WWOX: variants seen among roughly 807,000 people sequenced by gnomAD.
WWOX encodes WW domain-containing oxidoreductase.
Under a neutral mutation model 46.2 loss-of-function variants are expected in WWOX, and 69 were observed. The ratio of observed to expected loss-of-function variants is 1.49; its 90% CI spans 1.23 to 1.82. The LOEUF (loss-of-function observed/expected upper bound fraction) is 1.82, where lower values mean the gene tolerates loss of function less well. WWOX is among the 40% of genes most tolerant of loss of function. The probability of loss-of-function intolerance (pLI) is 0.00; values close to 1 mark genes in which losing one functional copy is unlikely to be tolerated. For synonymous variants in WWOX, 359 were observed against 202.6 expected (o/e 1.77, Z -6.56); for missense variants, 919 against 542.6 (o/e 1.69, Z -6.89).
At chr16:78,515,453 C>T (rs150859788) in intron 8 of WWOX, among the ~76,000 whole-genome samples, 2 of 152,250 alleles carry the variant, frequency 1.3e-5, no homozygotes, top group Non-Finnish European at 2.9e-5. Context: ...GAGACACCAG[C>T]TCTTTTTATT....
At chr16:78,950,073 A>G (rs2046027842) in intron 8 of WWOX, among the ~76,000 whole-genome samples, 1 of 152,204 alleles carries the variant, frequency 6.6e-6, no homozygotes, top group African/African-American at 2.4e-5. Context: ...TTGGGCGATG[A>G]TACCAGAGAC....
At chr16:78,286,065 C>T (rs563211398) in intron 5 of WWOX, among the ~76,000 whole-genome samples, 1 of 152,306 alleles carries the variant, frequency 6.6e-6, no homozygotes, top group South Asian at 2.1e-4. Flanking sequence ...TCATTCCCAT[C>T]CATGGTATTA....
At chr16:78,571,498 G>A (rs1457719742) in intron 8 of WWOX, among the ~76,000 whole-genome samples, 1 of 152,038 alleles carries the variant, frequency 6.6e-6, no homozygotes, top group Admixed American at 6.6e-5. Context: ...GATTTTAAAG[G>A]GCAAGTGCCT....
chr16:78,621,677 T>C (rs1191790416), intron 8 of WWOX, among the ~76,000 whole-genome samples: 2 of 134,276 alleles, frequency 1.5e-5, no homozygotes, highest in African/African-American at 2.8e-5. Flanking sequence ...CCATCTCGGC[T>C]CACCACGAGC....
chr16:78,723,276 C>G (rs1243998918), intron 8 of WWOX, among the ~76,000 whole-genome samples: 2 of 152,138 alleles, frequency 1.3e-5, no homozygotes. Flanking sequence ...ACCTGGGAAG[C>G]TTTTGAAAAC....
chr16:78,160,222 A>G (rs1459378367), intron 4 of WWOX, among the ~76,000 whole-genome samples: 1 of 151,708 alleles, frequency 6.6e-6, no homozygotes. Context: ...TCACTCTGTC[A>G]CCCAGGCTGG....
chr16:78,305,223 C>T (rs976097304), intron 5 of WWOX, among the ~76,000 whole-genome samples: 2 of 152,074 alleles, frequency 1.3e-5, no homozygotes, highest in African/African-American at 2.4e-5. Flanking sequence ...TCCTTTCCTT[C>T]CCCTTTCTGG....
At chr16:78,633,473 A>T (rs1597374960) in intron 8 of WWOX, among the ~76,000 whole-genome samples, 1 of 152,104 alleles carries the variant, frequency 6.6e-6, no homozygotes, top group South Asian at 2.1e-4. Flanking sequence ...TTAAAACAGA[A>T]CCACGAGTTC....
chr16:78,727,321 C>G (rs2048859719), intron 8 of WWOX, among the ~76,000 whole-genome samples: 1 of 152,178 alleles, frequency 6.6e-6, no homozygotes, highest in African/African-American at 2.4e-5. Context: ...ATCACTTCAA[C>G]CCGGAAGGCG....
chr16:78,218,120 T>G (rs908907622), intron 5 of WWOX, among the ~76,000 whole-genome samples: 3 of 152,066 alleles, frequency 2.0e-5, no homozygotes, highest in Admixed American at 1.3e-4. Context: ...AGTGGTGCAA[T>G]CACAGCTCAC....
intron 8 of WWOX, among the ~76,000 whole-genome samples, chr16:78,904,457 T>C (rs1231549521): frequency 6.6e-6 from 1 of 152,010 alleles, no homozygotes; most frequent in Non-Finnish European, 1.5e-5. Flanking sequence ...CAGGATGGTC[T>C]TCTTCTCTTG....
chr16:78,578,172 T>C (rs2044938012), intron 8 of WWOX, among the ~76,000 whole-genome samples: 1 of 144,968 alleles, frequency 6.9e-6, no homozygotes, highest in Admixed American at 7.1e-5. Context: ...TTTTTGACAA[T>C]TAAAAATAAT....
intron 8 of WWOX, among the ~76,000 whole-genome samples, chr16:78,655,914 G>T (rs192488159): frequency 1.3e-5 from 2 of 152,112 alleles, no homozygotes; most frequent in African/African-American, 2.4e-5. Flanking sequence ...GTATTCGAGC[G>T]TGGTTATCTT....
chr16:78,858,010 C>T (rs1353848755), intron 8 of WWOX, among the ~76,000 whole-genome samples: 1 of 151,954 alleles, frequency 6.6e-6, no homozygotes, highest in African/African-American at 2.4e-5. Context: ...GTTATTTGAC[C>T]TATTACATTC....
At chr16:79,003,671 C>T (rs1480827976) in intron 8 of WWOX, among the ~76,000 whole-genome samples, 3 of 152,116 alleles carry the variant, frequency 2.0e-5, no homozygotes, top group Non-Finnish European at 2.9e-5. Context: ...GAGGGCTCAG[C>T]TGGTCTCAGC....
intron 5 of WWOX, among the ~76,000 whole-genome samples, chr16:78,171,589 A>G (rs1361813922): frequency 6.6e-6 from 1 of 152,230 alleles, no homozygotes; most frequent in Non-Finnish European, 1.5e-5. Context: ...CACAGGGCTT[A>G]TCTCCATTGT....
intron 8 of WWOX, among the ~76,000 whole-genome samples, chr16:79,034,544 G>T (rs2047828802): frequency 6.6e-6 from 1 of 152,310 alleles, no homozygotes; most frequent in African/African-American, 2.4e-5. Flanking sequence ...CAGGAGACTG[G>T]CTTCCCCAAT....
intron 8 of WWOX, among the ~76,000 whole-genome samples, chr16:78,786,533 T>A (rs1035394570): frequency 6.6e-6 from 1 of 152,214 alleles, no homozygotes; most frequent in African/African-American, 2.4e-5. Flanking sequence ...ATAATGTTTT[T>A]CTTTTAATTG....
rs549045510 is a variant in WWOX at position 78,768,942 on chromosome 16, T to G, written c.1056+336190T>G. On this transcript the variant is annotated intron_variant, in intron 8 of 8. Transcript: ENST00000566780. ...GTGTAGGGGAGGAGGACGGTTTCCATTCTGTTTTGAGCATCAGAATAAAAC... is the reference window on the plus strand; with the variant it reads ...GTGTAGGGGAGGAGGACGGTTTCCAGTCTGTTTTGAGCATCAGAATAAAAC... Among the ~76,000 whole-genome samples, 423 of 152,162 alleles carry G rather than the reference T, an allele frequency of 2.8e-3. 1 individual carries two copies. Among genetic ancestry groups the G allele is most frequent in the Non-Finnish European group, 5.1e-3 (345 of 68,002 alleles).
Sources: gnomAD v4.1 joint callset for allele counts (sites outside exome capture counted in the v4.1 genomes callset) on GRCh38, gnomAD v4.1.1 for gene constraint, MANE v1.5 for transcripts, NCBI Gene and HGNC (gene_info 2026-07-23, HGNC 2026-07-21) for gene names.